SENP8: variants seen among roughly 807,000 people sequenced by gnomAD.
The protein encoded by SENP8 is SUMO peptidase family member, NEDD8 specific, also known as sentrin-specific protease 8.
A neutral mutation model predicts 14.4 loss-of-function variants in SENP8; 10 were observed. The observed-to-expected ratio is 0.69, with a 90% CI of 0.43 to 1.18. The LOEUF is 1.18. SENP8 is among the 50% of genes most tolerant of loss of function. The pLI is 0.00. For synonymous variants in SENP8, 94 were observed against 95.5 expected, an observed-to-expected ratio of 0.98 and a Z score of 0.09; for missense variants, 202 against 249.4, an observed-to-expected ratio of 0.81 and a Z score of 1.28.
chr15:72,129,737 G>A (rs1354200351), intron 1 of SENP8, among the ~76,000 whole-genome samples: 3 of 150,910 alleles, frequency 2.0e-5, no homozygotes, highest in Admixed American at 6.6e-5. Flanking sequence ...CAGCTACTTA[G>A]GAGGCTAAGG....
chr15:72,123,041 T>C (rs367594479), intron 1 of SENP8, among the ~76,000 whole-genome samples: 1 of 152,356 alleles, frequency 6.6e-6, no homozygotes, highest in African/African-American at 2.4e-5. Context: ...TAGATATTTA[T>C]TGAACCTCTA....
intron 1 of SENP8, among the ~76,000 whole-genome samples, chr15:72,119,182 A>G (rs914721895): frequency 3.9e-5 from 6 of 152,204 alleles, no homozygotes; most frequent in African/African-American, 1.4e-4. Flanking sequence ...CGTACCATGA[A>G]ACCGAGAAGT....
chr15:72,121,407 A>G (rs779773651), intron 1 of SENP8, among the ~76,000 whole-genome samples: 2 of 152,182 alleles, frequency 1.3e-5, no homozygotes, highest in African/African-American at 2.4e-5. Context: ...TGAAGAGACT[A>G]GAACAATAAG....
rs78318690 is a variant in SENP8 at position 72,128,833 on chromosome 15, G to A, written c.-48+10369G>A. Among the ~76,000 whole-genome samples, 28 of 152,358 alleles carry A rather than the reference G, an allele frequency of 1.8e-4. 1 individual carries two copies. The East Asian group carries it at 5.0e-3, about 27-fold the overall frequency. On this transcript the variant is annotated intron_variant, in intron 1 of 1. Transcript: ENST00000340912. ...TACAACTTAAAATCGTAGCCAAAGC[G>A]AGTGAGGAAGGCAATAGCATTTAGA... is the stretch of plus-strand genomic sequence containing the variant.
At chr15:72,133,496 C>T (rs1394928012) in intron 1 of SENP8, among the ~76,000 whole-genome samples, 1 of 152,270 alleles carries the variant, frequency 6.6e-6, no homozygotes, top group Non-Finnish European at 1.5e-5. Context: ...ACCTGTCCTT[C>T]AAGAGCCCAC....
chr15:72,121,847 G>T lies in SENP8; in HGVS notation c.-48+3383G>T, dbSNP rs960631358. The stretch of plus-strand genomic sequence containing the variant: ...CCTGTCAACAGGAATATATACCCCA[G>T]TGTGGGAGTCAGTTAACTTTATGTG... On this transcript the variant is annotated intron_variant, in intron 1 of 1. Transcript: ENST00000340912. Among the ~76,000 whole-genome samples, 6 of 152,208 alleles carry T rather than the reference G, an allele frequency of 3.9e-5. No homozygotes were observed. The East Asian group carries it at 1.2e-3, about 29-fold the overall frequency.
Position 72,142,267 on chromosome 15 carries a change from T to C in SENP8, c.*2005T>C, listed in dbSNP as rs1490652990. The C allele has an allele frequency of 2.0e-5, 3 of 152,206 alleles. No homozygotes were observed. Among genetic ancestry groups the C allele is most frequent in the African/African-American group, 4.8e-5 (2 of 41,450 alleles). 9.4% of individuals were successfully genotyped at this position (152,206 alleles called of 1,614,324 possible). A position where few individuals can be genotyped will look rare whatever the true frequency, so the allele number is the denominator to read the frequency against. On this transcript the variant is annotated 3_prime_UTR_variant, in exon 2 of 2. Transcript: ENST00000340912. ...CACAGATTAGTGTCCTCCTATGAAA[T>C]TTTGAGTATGTCATTTGTAAATGTT...
chr15:72,124,435 C>CA (rs1041985082), intron 1 of SENP8, among the ~76,000 whole-genome samples: 2 of 150,594 alleles, frequency 1.3e-5, no homozygotes, highest in Non-Finnish European at 3.0e-5. Flanking sequence ...ATTGAAACCC[C>CA]AAAAAAAAGC....
chr15:72,137,710 C>T (rs777157122), intron 1 of SENP8, among the ~76,000 whole-genome samples: 67 of 152,290 alleles, frequency 4.4e-4, no homozygotes, highest in Admixed American at 9.1e-4. Flanking sequence ...CGGTGGCTCA[C>T]GTCTGTAATC....
In SENP8 at chr15:72,140,322, G is replaced by C. The variant is rs1433467137; in HGVS notation, c.*60G>C. ...TCTTTCTGCCCTTCCCCATTTGTTG[G>C]ATGGCTGCAATCTCAGTGCCTGAGG... On this transcript the variant is annotated 3_prime_UTR_variant, in exon 2 of 2. Coordinates refer to ENST00000340912, the MANE Select transcript of SENP8 (RefSeq NM_145204.4). 1.8e-5 allele frequency: 22 copies of C among 1,243,448 alleles called. No individual in the cohort carries two copies. The highest frequency in any genetic ancestry group is 2.3e-6 in the Non-Finnish European group (2 of 860,236). 77.0% of individuals were successfully genotyped at this position (1,243,448 alleles called of 1,614,324 possible).
At chr15:72,126,666 A>G (rs1410459667) in intron 1 of SENP8, among the ~76,000 whole-genome samples, 1 of 152,188 alleles carries the variant, frequency 6.6e-6, no homozygotes, top group Non-Finnish European at 1.5e-5. Context: ...GCTATTGGAC[A>G]GCACTGCTAT....
At chr15:72,126,781 G>A (rs1470109761) in intron 1 of SENP8, among the ~76,000 whole-genome samples, 2 of 152,122 alleles carry the variant, frequency 1.3e-5, no homozygotes, top group Admixed American at 6.5e-5. Flanking sequence ...TACACTATGA[G>A]AACAGACTCT....
At chr15:72,135,906 GTAGGTCTCCGGGTTTTTGCCAAGC>G (rs2081323676) in intron 1 of SENP8, among the ~76,000 whole-genome samples, 4 of 152,284 alleles carry the variant, frequency 2.6e-5, no homozygotes, top group South Asian at 2.1e-4. Context: ...AGTGTAGAGA[GTAGGTCTCCGGGTTTTTGCCAAGC>G]TATATGACCT....
intron 1 of SENP8, among the ~76,000 whole-genome samples, chr15:72,125,001 A>G (rs1175063067): frequency 2.0e-5 from 3 of 152,156 alleles, no homozygotes; most frequent in East Asian, 3.8e-4. Context: ...GCTGAAAACT[A>G]TTCCATCGTG....
chr15:72,131,671 A>G (rs1303217776), intron 1 of SENP8, among the ~76,000 whole-genome samples: 2 of 152,218 alleles, frequency 1.3e-5, no homozygotes, highest in Non-Finnish European at 2.9e-5. Flanking sequence ...TTTGGAAGAT[A>G]CAATAAACTA....
intron 1 of SENP8, among the ~76,000 whole-genome samples, chr15:72,121,431 G>GA (rs1348842252): frequency 6.6e-6 from 1 of 152,134 alleles, no homozygotes; most frequent in African/African-American, 2.4e-5. Flanking sequence ...ATTAATTTTT[G>GA]AAAAATGGAA....
chr15:72,116,233 G>A (rs1370641457), upstream of SENP8, among the ~76,000 whole-genome samples: 3 of 152,084 alleles, frequency 2.0e-5, no homozygotes, highest in Admixed American at 6.5e-5. Context: ...TGGCTTTTAC[G>A]TCTAGTTATT....
upstream of SENP8, among the ~76,000 whole-genome samples, chr15:72,115,861 C>T (rs535415345): frequency 6.6e-6 from 1 of 151,984 alleles, no homozygotes; most frequent in Non-Finnish European, 1.5e-5. Flanking sequence ...TAACATCAGA[C>T]ACATTTAAAA....
chr15:72,133,847 T>C (rs2081300649), intron 1 of SENP8, among the ~76,000 whole-genome samples: 1 of 152,242 alleles, frequency 6.6e-6, no homozygotes, highest in South Asian at 2.1e-4. Context: ...CAGTAGACCT[T>C]TGTTAAATGA....
Sources: allele counts gnomAD v4.1 joint callset (sites outside exome capture counted in the v4.1 genomes callset), GRCh38; gene constraint gnomAD v4.1.1; transcripts MANE v1.5; gene names NCBI Gene and HGNC (gene_info 2026-07-23, HGNC 2026-07-21).